SLC3A1: variants seen among roughly 807,000 people sequenced by gnomAD.
SLC3A1 encodes the protein solute carrier family 3 member 1, also known as amino acid transporter heavy chain SLC3A1.
SLC3A1 carries 78 observed loss-of-function variants against 60.3 expected under a neutral mutation model. That is an observed-to-expected ratio of 1.29 (90% confidence interval 1.08 to 1.56). The LOEUF is 1.56. Ranked by LOEUF, SLC3A1 falls within the 40% of genes most tolerant of loss-of-function variation. SLC3A1 has a pLI of 0.00. For synonymous variants in SLC3A1, 392 were observed against 307.9 expected (o/e 1.27, Z -2.86); for missense variants, 1,172 against 858.9 (o/e 1.36, Z -4.56).
At chr2:44,298,567 G>A (rs996429698) in intron 4 of SLC3A1, among the ~76,000 whole-genome samples, 1 of 152,142 alleles carries the variant, frequency 6.6e-6, no homozygotes, top group Non-Finnish European at 1.5e-5. Flanking sequence ...TAGTAGAGGC[G>A]GGGTTTTACC....
chr2:44,284,691 G>C (rs1408774877), intron 3 of SLC3A1, among the ~76,000 whole-genome samples: 1 of 151,976 alleles, frequency 6.6e-6, no homozygotes. Context: ...AGCCTCCTTA[G>C]TAGCTGGGAC....
rs1572832735 is a variant in SLC3A1 at position 44,320,692 on chromosome 2, T to C, written c.*53T>C. The stretch of plus-strand genomic sequence containing the variant: ...GGCATTTCAGTGGGATTGTAAGCAT[T>C]TGTAATAGCTTCATGTACAGCATGC... On this transcript the variant is annotated 3_prime_UTR_variant, in exon 10 of 10. Coordinates refer to ENST00000260649, the MANE Select transcript of SLC3A1 (RefSeq NM_000341.4). 1 of 1,331,582 alleles carries C rather than the reference T, an allele frequency of 7.5e-7. No homozygotes were observed. Among genetic ancestry groups the C allele is most frequent in the African/African-American group, 1.4e-5 (1 of 69,716 alleles). The allele number at this position is 1,331,582 out of a possible 1,614,324, so 82.5% of individuals were successfully genotyped here.
rs1238198298 is a variant in SLC3A1 at position 44,312,650 on chromosome 2, A to G, written c.1397A>G (p.Asn466Ser). 1 of 1,613,970 alleles carries G rather than the reference A, an allele frequency of 6.2e-7. No individual in the cohort carries two copies. The highest frequency in any genetic ancestry group is 2.2e-5 in the East Asian group (1 of 44,884). The part of the protein sequence containing the change: ...RLGNQYVNVM[N>S]MLLFTLPGTP... Reference sequence around the variant, plus strand: ...GGGAATCAGTATGTCAACGTGATGAACATGCTTCTTTTCACACTCCCTGGA... The same window carrying G: ...GGGAATCAGTATGTCAACGTGATGAGCATGCTTCTTTTCACACTCCCTGGA... The change falls in exon 8 of 10, where the codon AAC becomes AGC. Residue 466 changes from asparagine to serine, a missense_variant. By Grantham distance (46) the Asn-to-Ser change is conservative. Transcript: ENST00000260649.
intron 9 of SLC3A1, chr2:44,318,692 G>C (rs892878717): frequency 6.6e-6 from 1 of 151,858 alleles, no homozygotes; most frequent in African/African-American, 2.4e-5. Flanking sequence ...GTGAAGCTAT[G>C]GAAAGGTGTT....
At chr2:44,276,873 G>T (rs1671355468) in intron 1 of SLC3A1, among the ~76,000 whole-genome samples, 1 of 152,000 alleles carries the variant, frequency 6.6e-6, no homozygotes, top group South Asian at 2.1e-4. Flanking sequence ...TGGTTGGTAT[G>T]GTCACTCTAC....
At chr2:44,277,598 G>A (rs992374588) in intron 1 of SLC3A1, among the ~76,000 whole-genome samples, 1 of 152,152 alleles carries the variant, frequency 6.6e-6, no homozygotes, top group Non-Finnish European at 1.5e-5. Context: ...CCTGCCTTGA[G>A]TGACTCCCTT....
rs753527558 is a variant in SLC3A1, at chr2:44,313,845, G to C, written c.1511G>C (p.Arg504Pro). 3 of 1,613,374 alleles carry C rather than the reference G, an allele frequency of 1.9e-6. No individual in the cohort carries two copies. Among genetic ancestry groups the C allele is most frequent in the East Asian group, 2.2e-5 (1 of 44,868 alleles). The change falls in exon 9 of 10, where the codon CGC becomes CCC. Residue 504 changes from arginine to proline, a missense_variant. Physicochemically the swap from Arg to Pro is moderately radical, Grantham distance 103 (BLOSUM62 -2). Coordinates refer to ENST00000260649, the MANE Select transcript of SLC3A1 (RefSeq NM_000341.4). ...GGTCTTTTGACATAGAATACCCTTC[G>C]CTCAAAGTCACCAATGCAGTGGGAC... ...LNESYDINTL[R>P]SKSPMQWDNS...
intron 6 of SLC3A1, chr2:44,303,672 C>T (rs1456255967): frequency 2.0e-5 from 5 of 249,362 alleles, no homozygotes; most frequent in East Asian, 9.1e-5. Flanking sequence ...TGTTGGTTTG[C>T]TGCACCCATC....
chr2:44,298,274 T>C (rs180877774), intron 4 of SLC3A1, among the ~76,000 whole-genome samples: 3 of 152,306 alleles, frequency 2.0e-5, no homozygotes, highest in Admixed American at 2.0e-4. Flanking sequence ...ATCCCAGATC[T>C]TTCCTGTTAA....
At chr2:44,313,303 G>A (rs778722929) in intron 8 of SLC3A1, among the ~76,000 whole-genome samples, 13 of 152,104 alleles carry the variant, frequency 8.5e-5, no homozygotes, top group Non-Finnish European at 1.3e-4. Context: ...CGACTATCTT[G>A]CAACTTTAAT....
chr2:44,283,321 T>C (rs1040322475), intron 3 of SLC3A1, among the ~76,000 whole-genome samples: 1 of 152,252 alleles, frequency 6.6e-6, no homozygotes, highest in Admixed American at 6.5e-5. Flanking sequence ...CAGCAAGTCC[T>C]GGCAGTTTCA....
chr2:44,279,534 C>A (rs1396631489), intron 1 of SLC3A1, among the ~76,000 whole-genome samples: 2 of 150,162 alleles, frequency 1.3e-5, no homozygotes, highest in East Asian at 4.0e-4. Flanking sequence ...ATCATCCCAC[C>A]CCTGCCTGCA....
At chr2:44,280,074 C>T (rs10194161) in intron 1 of SLC3A1, among the ~76,000 whole-genome samples, 75,907 of 151,934 alleles carry the variant, frequency 0.5, 20,083 homozygotes, top group Non-Finnish European at 0.6. Context: ...TTCCTTGACA[C>T]TTAGCCCAGC....
At chr2:44,305,869 G>A (rs556228496) in intron 7 of SLC3A1, among the ~76,000 whole-genome samples, 24 of 152,078 alleles carry the variant, frequency 1.6e-4, no homozygotes, top group Non-Finnish European at 3.4e-4. Context: ...GTCACCACAG[G>A]AAGCCTTCTG....
chr2:44,293,712 G>A (rs1558459162), intron 4 of SLC3A1, among the ~76,000 whole-genome samples: 1 of 152,122 alleles, frequency 6.6e-6, no homozygotes, highest in Non-Finnish European at 1.5e-5. Flanking sequence ...ATGTGAATGA[G>A]GGCCTGGTGT....
At chr2:44,319,073 G>A (rs1193243081) in intron 9 of SLC3A1, 1 of 152,438 alleles carries the variant, frequency 6.6e-6, no homozygotes, top group Non-Finnish European at 1.5e-5. Context: ...TAGAGAAAAT[G>A]TTAATAACTT....
rs1558479200 is a variant in SLC3A1, at chr2:44,320,471, CA to C, written c.1891del (p.Ser631ValfsTer48). 6.2e-7 allele frequency: 1 copy of C among 1,614,120 alleles called. No homozygotes were observed. Among genetic ancestry groups the C allele is most frequent in the Non-Finnish European group, 8.5e-7 (1 of 1,179,974 alleles). ...RLSTNSADKGSKVDTSGIFLD... is the reference protein window; with the variant it reads ...RLSTNSADKGXKVDTSGIFLD... ...TAAGTACCAATTCTGCCGACAAAGG[CA>C]GTAAAGTTGATACAAGTGGCATTTT... is the stretch of plus-strand genomic sequence containing the variant. On this transcript the variant is annotated frameshift_variant, in exon 10 of 10. Coordinates refer to ENST00000260649, the MANE Select transcript of SLC3A1 (RefSeq NM_000341.4). LOFTEE classifies it low-confidence loss of function (END_TRUNC).
At chr2:44,309,149 A>C (rs545865971) in intron 7 of SLC3A1, among the ~76,000 whole-genome samples, 3 of 152,328 alleles carry the variant, frequency 2.0e-5, no homozygotes, top group Admixed American at 1.3e-4. Context: ...AACCATCACC[A>C]TTATCAGTTT....
In SLC3A1 at chr2:44,275,918, C is replaced by A. The variant is rs576810133; in HGVS notation, c.383C>A (p.Pro128Gln). ...GAGGGGCCCATGTACCAGATCTACC[C>A]AAGGTCTTTCAAGGACAGTAACAAG... ...WQEGPMYQIYPRSFKDSNKDG... is the reference protein window; with the variant it reads ...WQEGPMYQIYQRSFKDSNKDG... The change falls in exon 1 of 10, where the codon CCA becomes CAA. Residue 128 changes from proline to glutamine, a missense_variant. Coordinates refer to ENST00000260649, the MANE Select transcript of SLC3A1 (RefSeq NM_000341.4). The A allele has an allele frequency of 4.3e-6, 7 of 1,614,096 alleles. No homozygotes were observed. The Middle Eastern group carries it at 6.6e-4, about 152-fold the overall frequency.
Sources: gnomAD v4.1 joint callset for allele counts (sites outside exome capture counted in the v4.1 genomes callset) on GRCh38, gnomAD v4.1.1 for gene constraint, MANE v1.5 for transcripts, NCBI Gene and HGNC (gene_info 2026-07-23, HGNC 2026-07-21) for gene names.